SLC4A4: variants seen among roughly 807,000 people sequenced by gnomAD.
SLC4A4 encodes solute carrier family 4 member 4.
SLC4A4 carries 27 observed loss-of-function variants against 111.5 expected under a neutral mutation model. That is an observed-to-expected ratio of 0.24 (90% confidence interval 0.18 to 0.33). SLC4A4 has a LOEUF of 0.33. Among genes scored for constraint, SLC4A4 ranks in the 10% least tolerant of loss-of-function variants. The pLI, the probability that SLC4A4 is intolerant of heterozygous loss-of-function variation, is 1.00. For synonymous variants in SLC4A4, 443 were observed against 463.4 expected, an observed-to-expected ratio of 0.96 and a Z score of 0.57; for missense variants, 909 against 1,315.5, an observed-to-expected ratio of 0.69 and a Z score of 4.78.
intron 2 of SLC4A4, among the ~76,000 whole-genome samples, chr4:71,165,174 A>G (rs1383812605): frequency 1.6e-4 from 24 of 152,184 alleles, no homozygotes; most frequent in Admixed American, 1.6e-3. Context: ...AACCAGAAAT[A>G]CCATTTGACC....
intron 7 of SLC4A4, among the ~76,000 whole-genome samples, chr4:71,431,015 G>A (rs983051616): frequency 3.3e-5 from 5 of 152,000 alleles, no homozygotes; most frequent in Admixed American, 6.6e-5. Context: ...AGGCTTGTTG[G>A]GAAGAGCAGA....
At chr4:71,180,069 T>G (rs1745237879) in intron 2 of SLC4A4, among the ~76,000 whole-genome samples, 1 of 152,194 alleles carries the variant, frequency 6.6e-6, no homozygotes, top group South Asian at 2.1e-4. Context: ...TCATCTGATC[T>G]TTGACAAACC....
chr4:71,065,725 G>A (rs762013445), intron 1 of SLC4A4, among the ~76,000 whole-genome samples: 12 of 152,096 alleles, frequency 7.9e-5, no homozygotes, highest in Non-Finnish European at 1.6e-4. Flanking sequence ...CCCTTCACTC[G>A]ACAATTCCTA....
chr4:71,321,541 A>C (rs375364680), intron 3 of SLC4A4, among the ~76,000 whole-genome samples: 2 of 151,930 alleles, frequency 1.3e-5, no homozygotes, highest in Non-Finnish European at 2.9e-5. Flanking sequence ...CAGACTTGGT[A>C]ATTTGTAAAG....
chr4:71,557,945 TTATATGGAAGACAC>T (rs1736619826), intron 22 of SLC4A4, 60 bp downstream of exon 22: 3 of 1,445,508 alleles, frequency 2.1e-6, no homozygotes, highest in African/African-American at 2.8e-5. Context: ...GTGGTTATTG[TTATATGGAAGACAC>T]ACATGTCTTT....
intron 7 of SLC4A4, among the ~76,000 whole-genome samples, chr4:71,423,741 A>T (rs1420124593): frequency 2.6e-5 from 4 of 152,244 alleles, no homozygotes; most frequent in Admixed American, 2.6e-4. Flanking sequence ...GCAATGGGGA[A>T]AGGATTCCCT....
chr4:71,436,601 A>G (rs1724169514), intron 7 of SLC4A4, among the ~76,000 whole-genome samples: 1 of 152,222 alleles, frequency 6.6e-6, no homozygotes, highest in African/African-American at 2.4e-5. Flanking sequence ...GACTAGATTA[A>G]TCAGCTCATA....
At position 71,567,951 on chromosome 4, in the gene SLC4A4, C is replaced by CTGTT. The variant is rs368167161; in HGVS notation, c.*206_*209dup. On this transcript the variant is annotated 3_prime_UTR_variant, in exon 26 of 26. Coordinates refer to ENST00000264485, the MANE Select transcript of SLC4A4 (RefSeq NM_001098484.3). ...GTTAATGTCATTTGTTTTTGTTTGG[C>CTGTT]TGTTTGTTTATTTTTTAACTTTTAT... The CTGTT allele has an allele frequency of 1.9e-6, 2 of 1,056,308 alleles. No homozygotes were observed. Among genetic ancestry groups the CTGTT allele is most frequent in the Admixed American group, 4.9e-5 (2 of 40,438 alleles). 65.4% of individuals were successfully genotyped at this position (1,056,308 alleles called of 1,614,324 possible).
At chr4:71,306,637 A>G (rs911051570) in intron 3 of SLC4A4, among the ~76,000 whole-genome samples, 7 of 152,210 alleles carry the variant, frequency 4.6e-5, no homozygotes, top group Non-Finnish European at 7.3e-5. Context: ...ATTAAATGCA[A>G]AGAACTTTGA....
chr4:71,165,070 T>C (rs1200431264), intron 2 of SLC4A4, among the ~76,000 whole-genome samples: 1 of 152,138 alleles, frequency 6.6e-6, no homozygotes, highest in Non-Finnish European at 1.5e-5. Flanking sequence ...CTGGAGAGGA[T>C]GTGGAGAAAT....
At chr4:71,251,861 G>T (rs1721092613) in intron 2 of SLC4A4, among the ~76,000 whole-genome samples, 1 of 151,962 alleles carries the variant, frequency 6.6e-6, no homozygotes, top group Admixed American at 6.6e-5. Context: ...AGCCTAAAAA[G>T]TTCTGTATAA....
chr4:71,210,784 A>G (rs1317327418), intron 1 of SLC4A4, among the ~76,000 whole-genome samples: 1 of 152,222 alleles, frequency 6.6e-6, no homozygotes, highest in Non-Finnish European at 1.5e-5. Context: ...AGTAGTCTGT[A>G]ATCTCCTGAA....
intron 18 of SLC4A4, among the ~76,000 whole-genome samples, chr4:71,536,468 A>ATG (rs1734464511): frequency 1.5e-5 from 1 of 66,662 alleles, no homozygotes; most frequent in African/African-American, 4.5e-5. Context: ...ATATATACAT[A>ATG]TATATATATA....
At chr4:71,562,617 C>T (rs1737095625) in intron 23 of SLC4A4, among the ~76,000 whole-genome samples, 1 of 151,444 alleles carries the variant, frequency 6.6e-6, no homozygotes, top group Admixed American at 6.6e-5. Flanking sequence ...AATATTTCTC[C>T]ATCCCTTTAT....
intron 21 of SLC4A4, 149 bp from the exon 22 acceptor site, chr4:71,557,563 A>G: frequency 1.3e-6 from 1 of 749,112 alleles, no homozygotes; most frequent in Non-Finnish European, 2.3e-6. Context: ...GTGCTTGACT[A>G]AATTTCTGCA....
intron 1 of SLC4A4, among the ~76,000 whole-genome samples, chr4:71,083,767 ACATTTTAATCCCCGCCCCCCGCCCC>A (rs1403036554): frequency 6.8e-6 from 1 of 147,248 alleles, no homozygotes; most frequent in Non-Finnish European, 1.5e-5. Flanking sequence ...TTTTCTCTAA[ACATTTTAATCCCCGCCCCCCGCCCC>A]CACCAGTCTC....
At chr4:71,520,487 T>G (rs560556985) in intron 16 of SLC4A4, among the ~76,000 whole-genome samples, 8 of 152,244 alleles carry the variant, frequency 5.3e-5, no homozygotes, top group Non-Finnish European at 1.0e-4. Context: ...ATCCAGGACC[T>G]GTAGATTCTA....
chr4:71,065,002 G>A (rs1741481383), intron 1 of SLC4A4, among the ~76,000 whole-genome samples: 1 of 152,118 alleles, frequency 6.6e-6, no homozygotes, highest in South Asian at 2.1e-4. Context: ...AGATTTGCAT[G>A]AGTAGGGTCT....
intron 6 of SLC4A4, among the ~76,000 whole-genome samples, chr4:71,366,621 A>G (rs1731353622): frequency 6.6e-6 from 1 of 152,194 alleles, no homozygotes. Flanking sequence ...AGAATATGTA[A>G]GATAATAGCA....
Sources: gnomAD v4.1 joint callset for allele counts (sites outside exome capture counted in the v4.1 genomes callset) on GRCh38, gnomAD v4.1.1 for gene constraint, MANE v1.5 for transcripts, NCBI Gene and HGNC (gene_info 2026-07-23, HGNC 2026-07-21) for gene names.